The following FBXO38 variants were observed in gnomAD, a reference collection of about 807,000 sequenced individuals.
FBXO38 encodes F-box only protein 38.
In FBXO38, 53 loss-of-function variants were observed where a neutral mutation model predicts 131.9. The observed-to-expected ratio is 0.40, with a 90% CI of 0.32 to 0.51. The LOEUF is 0.51. FBXO38 is among the 20% of genes least tolerant of loss of function. The pLI is 0.53. For missense variants in FBXO38, 1,076 were observed against 1,475.6 expected (o/e 0.73, Z 4.44); for synonymous variants, 452 against 505.6 (o/e 0.89, Z 1.42).
intron 7 of FBXO38, among the ~76,000 whole-genome samples, chr5:148,408,721 C>A (rs1272393574): frequency 6.6e-6 from 1 of 152,102 alleles, no homozygotes; most frequent in Non-Finnish European, 1.5e-5. Flanking sequence ...TAGGTAAATA[C>A]AAGTTTCAGA....
At chr5:148,428,146 C>T (rs933403228) in intron 15 of FBXO38, among the ~76,000 whole-genome samples, 199 bp downstream of exon 15, 1 of 152,148 alleles carries the variant, frequency 6.6e-6, no homozygotes, top group Non-Finnish European at 1.5e-5. Context: ...AAATGTCCAA[C>T]CTGGAAAGCT....
intron 15 of FBXO38, among the ~76,000 whole-genome samples, chr5:148,428,164 G>A (rs1753830686): frequency 6.6e-6 from 1 of 152,230 alleles, no homozygotes; most frequent in Non-Finnish European, 1.5e-5. Context: ...GCTCAAAATA[G>A]TTCAGCTTTT....
rs1054663317 is a variant in FBXO38, at chr5:148,395,473, T to C, written c.128+569T>C. 1.0e-3 allele frequency among the ~76,000 whole-genome samples: 33 copies of C among 33,080 alleles called. No individual in the cohort carries two copies. In the African/African-American group the frequency reaches 0.015, roughly 15 times the overall value. The allele number at this position is 33,080 out of a possible 152,430, so 21.7% of individuals were successfully genotyped here. A position where few individuals can be genotyped will look rare whatever the true frequency, so the allele number is the denominator to read the frequency against. ...TACCCAAACCGCATTATAACAACTG[T>C]TTTTTTTTTTTTAAAGGGAAAGCTG... On this transcript the variant is annotated intron_variant, in intron 2 of 21. Coordinates refer to ENST00000340253, the MANE Select transcript of FBXO38 (RefSeq NM_205836.3).
At chr5:148,416,386 TG>T (rs934173832) in intron 11 of FBXO38, among the ~76,000 whole-genome samples, 2 of 152,122 alleles carry the variant, frequency 1.3e-5, no homozygotes, top group African/African-American at 4.8e-5. Context: ...GATAATTCAT[TG>T]GTGGATTAAA....
Position 148,433,268 on chromosome 5 carries a change from A to G in FBXO38, c.2654-156A>G, listed in dbSNP as rs962624740. 4.6e-5 allele frequency: 27 copies of G among 588,962 alleles called. No individual in the cohort carries two copies. In the Middle Eastern group the frequency reaches 8.0e-4, roughly 17 times the overall value. 36.5% of individuals were successfully genotyped at this position (588,962 alleles called of 1,614,324 possible). ...TGGAGGGTGATCCTGTTTTGAAACA[A>G]TCCACTGGAAATACCAATGTAACTG... On this transcript the variant is annotated intron_variant, in intron 15 of 21. Coordinates refer to ENST00000340253, the MANE Select transcript of FBXO38 (RefSeq NM_205836.3).
At chr5:148,435,370 T>G (rs1292667355) in intron 17 of FBXO38, among the ~76,000 whole-genome samples, 1 of 152,254 alleles carries the variant, frequency 6.6e-6, no homozygotes, top group Non-Finnish European at 1.5e-5. Context: ...AATTCTTCCT[T>G]GGTGTTCACA....
intron 3 of FBXO38, chr5:148,399,625 CACTG>C (rs759168104): frequency 6.5e-6 from 1 of 152,870 alleles, no homozygotes; most frequent in Middle Eastern, 3.1e-3. Flanking sequence ...TCGAATAAGC[CACTG>C]ACTGACCTTA....
chr5:148,423,083 A>G (rs1217843297), intron 12 of FBXO38, among the ~76,000 whole-genome samples: 3 of 152,146 alleles, frequency 2.0e-5, no homozygotes, highest in Admixed American at 6.6e-5. Flanking sequence ...CCTTGACCCA[A>G]TGAGAGAATT....
intron 2 of FBXO38, among the ~76,000 whole-genome samples, chr5:148,398,285 G>A (rs1301696096): frequency 6.6e-6 from 1 of 152,084 alleles, no homozygotes. Flanking sequence ...GAGAAAAATA[G>A]ACCTTTCAGA....
At chr5:148,408,525 C>T (rs114325438) in intron 7 of FBXO38, among the ~76,000 whole-genome samples, 47 of 152,304 alleles carry the variant, frequency 3.1e-4, no homozygotes, top group African/African-American at 1.1e-3. Flanking sequence ...TAGCAAAATA[C>T]TGTACAGTAA....
intron 2 of FBXO38, among the ~76,000 whole-genome samples, chr5:148,395,197 G>A (rs867661294): frequency 6.6e-6 from 1 of 152,016 alleles, no homozygotes; most frequent in African/African-American, 2.4e-5. Context: ...AGGCTTCTTG[G>A]GATTTTTATT....
At chr5:148,418,497 A>G (rs890688845) in intron 12 of FBXO38, among the ~76,000 whole-genome samples, 1 of 152,210 alleles carries the variant, frequency 6.6e-6, no homozygotes, top group Non-Finnish European at 1.5e-5. Context: ...TTTCAAACCT[A>G]GGTAAAATCT....
At chr5:148,392,581 TTGTG>T (rs55667300) in intron 1 of FBXO38, among the ~76,000 whole-genome samples, 19,160 of 141,784 alleles carry the variant, frequency 0.14, 1,230 homozygotes, top group Admixed American at 0.18. Context: ...TTGCTTTTCT[TTGTG>T]TGTGTGTGTG....
chr5:148,398,940 T>C, intron 2 of FBXO38, 59 bp from the exon 3 acceptor site: 5 of 1,583,072 alleles, frequency 3.2e-6, no homozygotes, highest in Non-Finnish European at 4.3e-6. Flanking sequence ...AAAAATAACT[T>C]ACTGGTGAGA....
intron 15 of FBXO38, among the ~76,000 whole-genome samples, chr5:148,432,100 C>T (rs1478566527): frequency 2.6e-5 from 4 of 152,096 alleles, no homozygotes; most frequent in African/African-American, 9.7e-5. Flanking sequence ...TACAGAATTA[C>T]TGATAGTACA....
intron 8 of FBXO38, among the ~76,000 whole-genome samples, chr5:148,409,508 T>G (rs1309317133): frequency 6.6e-6 from 1 of 152,208 alleles, no homozygotes; most frequent in Non-Finnish European, 1.5e-5. Flanking sequence ...CCAATAGAAG[T>G]TAGCATTGAA....
intron 15 of FBXO38, 38 bp downstream of exon 15, chr5:148,427,985 G>A (rs750946560): frequency 6.9e-7 from 1 of 1,453,582 alleles, no homozygotes; most frequent in South Asian, 1.7e-5. Flanking sequence ...CTGCAGGGTA[G>A]GGCTGCAGAA....
At position 148,438,504 on chromosome 5, in the gene FBXO38, G is replaced by C. The variant is rs146510581; in HGVS notation, c.3024+6G>C. 4.4e-6 allele frequency: 7 copies of C among 1,607,606 alleles called. No individual in the cohort carries two copies. The South Asian group carries it at 7.8e-5, about 18-fold the overall frequency. On this transcript the variant is annotated splice_donor_region_variant and intron_variant, in intron 18 of 21. Coordinates refer to ENST00000340253, the MANE Select transcript of FBXO38 (RefSeq NM_205836.3). Reference sequence around the variant, plus strand: ...ACCTACGCCCAATGCAGCAGGTAACGAGCTTTGCTTCTTTCCGATGATACA... The same window carrying C: ...ACCTACGCCCAATGCAGCAGGTAACCAGCTTTGCTTCTTTCCGATGATACA...
chr5:148,433,809 G>T, intron 17 of FBXO38, 72 bp downstream of exon 17: 1 of 770,342 alleles, frequency 1.3e-6, no homozygotes. Context: ...CATAAATACT[G>T]TAATAGCATT....
Sources: gnomAD v4.1 joint callset for allele counts (sites outside exome capture counted in the v4.1 genomes callset) on GRCh38, gnomAD v4.1.1 for gene constraint, MANE v1.5 for transcripts, NCBI Gene and HGNC (gene_info 2026-07-23, HGNC 2026-07-21) for gene names.